The following CHMP1A variants were observed in gnomAD, a reference collection of about 807,000 sequenced individuals.
CHMP1A encodes charged multivesicular body protein 1A, also known as VPS46 homolog A.
CHMP1A carries 17 observed loss-of-function variants against 27.0 expected under a neutral mutation model. The ratio of observed to expected loss-of-function variants is 0.63; its 90% CI spans 0.43 to 0.95. The LOEUF (loss-of-function observed/expected upper bound fraction) is 0.95. Among genes scored for constraint, CHMP1A ranks in the 40% least tolerant of loss-of-function variants. The pLI is 0.00. For synonymous variants in CHMP1A, 131 were observed against 107.5 expected, an observed-to-expected ratio of 1.22 and a Z score of -1.35; for missense variants, 275 against 264.0, an observed-to-expected ratio of 1.04 and a Z score of -0.29.
chr16:89,650,297 G>A (rs2059813897), intron 3 of CHMP1A, among the ~76,000 whole-genome samples: 1 of 152,036 alleles, frequency 6.6e-6, no homozygotes, highest in Admixed American at 6.5e-5. Context: ...TCCCGCCTCA[G>A]CCTTCCGAGT....
chr16:89,651,433 C>T (rs1463276289), intron 3 of CHMP1A, 136 bp downstream of exon 3: 3 of 616,186 alleles, frequency 4.9e-6, no homozygotes, highest in Middle Eastern at 2.6e-4. Flanking sequence ...CTCAAGGTGA[C>T]GATTAAATCA....
chr16:89,657,551 G>T (rs547484331), intron 1 of CHMP1A, 31 bp downstream of exon 1: 3 of 1,609,618 alleles, frequency 1.9e-6, no homozygotes, highest in East Asian at 2.2e-5. Context: ...CCCCGCGCGC[G>T]AGTCCCCGGA....
At position 89,657,639 on chromosome 16, in the gene CHMP1A, C is replaced by T. The variant is rs371213595; in HGVS notation, c.-51G>A. 7.3e-4 allele frequency: 1,179 copies of T among 1,607,624 alleles called. 3 individuals carry two copies. The highest frequency in any genetic ancestry group is 8.1e-4 in the Non-Finnish European group (949 of 1,177,948). On this transcript the variant is annotated 5_prime_UTR_variant, in exon 1 of 7. Coordinates refer to ENST00000397901, the MANE Select transcript of CHMP1A (RefSeq NM_002768.5). ...GGAGAGGGAGAAGGGACGCCAACTC[C>T]GGGCGGTGTCAGGTCCCGGCGGCGA...
chr16:89,650,042 C>G lies in CHMP1A; in HGVS notation c.106-545G>C, dbSNP rs114556004. ...GGACACAGCGGGTGACACTCAGAGC[C>G]TGTGGCAGGCAGTTCTCCGAGCTCC... On this transcript the variant is annotated intron_variant, in intron 3 of 6. Transcript: ENST00000397901. 1.5e-3 allele frequency among the ~76,000 whole-genome samples: 234 copies of G among 152,316 alleles called. 2 individuals carry two copies. The highest frequency in any genetic ancestry group is 5.4e-3 in the African/African-American group (225 of 41,558).
intron 1 of CHMP1A, 121 bp from the exon 2 acceptor site, chr16:89,654,044 C>A: frequency 9.3e-7 from 1 of 1,075,888 alleles, no homozygotes; most frequent in African/African-American, 1.6e-5. Context: ...ACAGACCACA[C>A]CTGCCTGGGG....
At chr16:89,653,021 T>TTTTC (rs2151516119) in intron 2 of CHMP1A, among the ~76,000 whole-genome samples, 1 of 796 alleles carries the variant, frequency 1.3e-3, no homozygotes, top group East Asian at 6.0e-3. Flanking sequence ...TTTTCTTTTC[T>TTTTC]TTTTTTTTTT....
intron 1 of CHMP1A, among the ~76,000 whole-genome samples, chr16:89,655,989 C>G (rs867369588): frequency 5.9e-5 from 9 of 151,544 alleles, no homozygotes; most frequent in Non-Finnish European, 5.9e-5. Context: ...GCTGGGGTTA[C>G]AGGCCTGAGC....
Position 89,646,818 on chromosome 16 carries a change from A to G in CHMP1A, c.382-104T>C, listed in dbSNP as rs554682357. 3.2e-5 allele frequency: 41 copies of G among 1,278,096 alleles called. No individual in the cohort carries two copies. The South Asian group carries it at 5.0e-4, about 15-fold the overall frequency. 79.2% of individuals were successfully genotyped at this position (1,278,096 alleles called of 1,614,324 possible). ...GCACTTTTCGTTCCCTCACACAGCC[A>G]GCCACCTTCTTGCCCTGTTCTCTCA... On this transcript the variant is annotated intron_variant, in intron 5 of 6. Transcript: ENST00000397901.
rs1419749022 is a variant in CHMP1A at position 89,648,406 on chromosome 16, A to T, written c.252+945T>A. Among the ~76,000 whole-genome samples, 3 of 145,622 alleles carry T rather than the reference A, an allele frequency of 2.1e-5. 1 individual carries two copies. Among genetic ancestry groups the T allele is most frequent in the African/African-American group, 5.1e-5 (2 of 39,364 alleles). ...TGGAGAAAAGGCCGCCGACGTGGGGACCCAGCGCGGGGTCGGTGGAGAAAA... is the reference window on the plus strand; with the variant it reads ...TGGAGAAAAGGCCGCCGACGTGGGGTCCCAGCGCGGGGTCGGTGGAGAAAA... On this transcript the variant is annotated intron_variant, in intron 4 of 6. Coordinates refer to ENST00000397901, the MANE Select transcript of CHMP1A (RefSeq NM_002768.5).
In CHMP1A at chr16:89,657,677, A is replaced by G; in HGVS notation, c.-89T>C. 3.2e-6 allele frequency: 5 copies of G among 1,560,640 alleles called. No individual in the cohort carries two copies. Among genetic ancestry groups the G allele is most frequent in the Non-Finnish European group, 4.4e-6 (5 of 1,143,746 alleles). On this transcript the variant is annotated 5_prime_UTR_variant, in exon 1 of 7. Coordinates refer to ENST00000397901, the MANE Select transcript of CHMP1A (RefSeq NM_002768.5). ...GTCCCGGCGGCGATCGAACCGACCA[A>G]GCTGCACCCGGCGGGGACTTCCGGG...
chr16:89,653,928 A>C lies in CHMP1A; in HGVS notation c.8-5T>G. On this transcript the variant is annotated splice_region_variant and splice_polypyrimidine_tract_variant and intron_variant, in intron 1 of 6. Coordinates refer to ENST00000397901, the MANE Select transcript of CHMP1A (RefSeq NM_002768.5). ...CCTTCAACTGGAACAGGGTATCTGC[A>C]AAGAAAGAGGGAATTAATGGTTTGA... 6.2e-7 allele frequency: 1 copy of C among 1,613,590 alleles called. No individual in the cohort carries two copies. The highest frequency in any genetic ancestry group is 8.5e-7 in the Non-Finnish European group (1 of 1,179,640).
chr16:89,645,659 C>A lies in CHMP1A; in HGVS notation c.*407G>T. 1 of 336,064 alleles carries A rather than the reference C, an allele frequency of 3.0e-6. No homozygotes were observed. Among genetic ancestry groups the A allele is most frequent in the Non-Finnish European group, 5.7e-6 (1 of 176,178 alleles). 20.8% of individuals were successfully genotyped at this position (336,064 alleles called of 1,614,324 possible). A position where few individuals can be genotyped will look rare whatever the true frequency, so the allele number is the denominator to read the frequency against. On this transcript the variant is annotated 3_prime_UTR_variant, in exon 7 of 7. Transcript: ENST00000397901. ...CTGTCCACATGGTGGGACCTCCTGC[C>A]CGCTGAGGTGGTGCGGAGAGGCCTC...
intron 2 of CHMP1A, among the ~76,000 whole-genome samples, chr16:89,652,176 G>C (rs953894473): frequency 6.6e-6 from 1 of 152,210 alleles, no homozygotes; most frequent in African/African-American, 2.4e-5. Context: ...AGCACCACAC[G>C]GAAACAGGGC....
At chr16:89,657,466 G>A in intron 1 of CHMP1A, 116 bp downstream of exon 1, 1 of 1,337,794 alleles carries the variant, frequency 7.5e-7, no homozygotes, top group Non-Finnish European at 1.0e-6. Flanking sequence ...ATCGACGGTC[G>A]AGGCCCGAGC....
chr16:89,645,403 T>G lies in CHMP1A; in HGVS notation c.*663A>C, dbSNP rs149328027. The G allele has an allele frequency of 3.5e-4, 55 of 158,284 alleles. No homozygotes were observed. The highest frequency in any genetic ancestry group is 6.7e-4 in the Non-Finnish European group (48 of 71,274). 9.8% of individuals were successfully genotyped at this position (158,284 alleles called of 1,614,324 possible). A position where few individuals can be genotyped will look rare whatever the true frequency, so the allele number is the denominator to read the frequency against. The stretch of plus-strand genomic sequence containing the variant: ...AGACTGCAGGGTGGGCACACTTGAA[T>G]GTGGATCTGAGTGACGGTTCTGTCC... On this transcript the variant is annotated 3_prime_UTR_variant, in exon 7 of 7. Transcript: ENST00000397901.
chr16:89,648,935 G>T (rs985861551), intron 4 of CHMP1A, among the ~76,000 whole-genome samples: 1 of 151,712 alleles, frequency 6.6e-6, no homozygotes, highest in African/African-American at 2.4e-5. Flanking sequence ...TGAGGCAGGA[G>T]GATTGCTTGA....
At chr16:89,657,339 T>C (rs1370755675) in intron 1 of CHMP1A, among the ~76,000 whole-genome samples, 3 of 129,878 alleles carry the variant, frequency 2.3e-5, no homozygotes, top group African/African-American at 9.0e-5. Context: ...GGAAAAGGGG[T>C]CCCAGGTCGG....
At position 89,646,548 on chromosome 16, in the gene CHMP1A, T is replaced by G. The variant is rs1298248894; in HGVS notation, c.548A>C (p.Gln183Pro). ...SAVGESSVRS[Q>P]EDQLSRRLAA... Reference sequence around the variant, plus strand: ...CTACCTCCGTGACAGCTGGTCCTCCTGGCTGCGCACAGAGCTCTCGCCCAC... The same window carrying G: ...CTACCTCCGTGACAGCTGGTCCTCCGGGCTGCGCACAGAGCTCTCGCCCAC... Residue 183 changes from glutamine (Q) to proline (P), a missense_variant, in exon 6 of 7, where the codon CAG (glutamine) becomes CCG (proline). Gln to Pro is a moderately conservative substitution (Grantham distance 76, BLOSUM62 -1). Transcript: ENST00000397901. The G allele has an allele frequency of 3.8e-6, 6 of 1,587,770 alleles. No individual in the cohort carries two copies. Among genetic ancestry groups the G allele is most frequent in the Admixed American group, 1.8e-5 (1 of 56,152 alleles).
chr16:89,645,919 G>A lies in CHMP1A; in HGVS notation c.*147C>T. 1 of 1,609,328 alleles carries A rather than the reference G, an allele frequency of 6.2e-7. No individual in the cohort carries two copies. Among genetic ancestry groups the A allele is most frequent in the Non-Finnish European group, 8.5e-7 (1 of 1,178,074 alleles). ...CTAAAAGAACAGGAACAACCCTAAG[G>A]CCACGCAGGCCTGGCAGGTGAGAGA... On this transcript the variant is annotated 3_prime_UTR_variant, in exon 7 of 7. Transcript: ENST00000397901.
Sources: gnomAD v4.1 joint callset for allele counts (sites outside exome capture counted in the v4.1 genomes callset) on GRCh38, gnomAD v4.1.1 for gene constraint, MANE v1.5 for transcripts, NCBI Gene and HGNC (gene_info 2026-07-23, HGNC 2026-07-21) for gene names.